Variants in C9 observed in about 807,000 individuals in gnomAD.
C9 encodes complement C9, also known as complement component C9.
Under a neutral mutation model 65.4 loss-of-function variants are expected in C9, and 63 were observed. The observed-to-expected ratio is 0.96, with a 90% CI of 0.79 to 1.19. The LOEUF (loss-of-function observed/expected upper bound fraction) is 1.19. Among genes scored for constraint, C9 ranks in the 50% most tolerant of loss-of-function variants. C9 has a pLI of 0.00. For synonymous variants in C9, 229 were observed against 227.9 expected, an observed-to-expected ratio of 1.00 and a Z score of -0.04; for missense variants, 744 against 670.1, an observed-to-expected ratio of 1.11 and a Z score of -1.22.
chr5:39,347,074 G>A (rs1008711575), intron 1 of C9, among the ~76,000 whole-genome samples: 2 of 152,110 alleles, frequency 1.3e-5, no homozygotes, highest in African/African-American at 2.4e-5. Flanking sequence ...CATACTGAAT[G>A]GGCAAAAACT....
At chr5:39,333,747 G>T (rs925595102) in intron 4 of C9, among the ~76,000 whole-genome samples, 5 of 151,762 alleles carry the variant, frequency 3.3e-5, no homozygotes, top group African/African-American at 1.2e-4. Flanking sequence ...GAGTGCCTGC[G>T]ATTGCAGGCG....
Position 39,341,790 on chromosome 5 carries a change from A to G in C9, c.184-90T>C, listed in dbSNP as rs923039939. ...GCATCCATACAACTATATCCCTGCA[A>G]TGAGTCAATGGTTTTAAGATAGAAG... is the stretch of plus-strand genomic sequence containing the variant. On this transcript the variant is annotated intron_variant, in intron 2 of 10. Transcript: ENST00000263408. 3.4e-5 allele frequency: 39 copies of G among 1,155,410 alleles called. No homozygotes were observed. In the African/African-American group the frequency reaches 4.4e-4, roughly 13 times the overall value. The allele number at this position is 1,155,410 out of a possible 1,614,324, so 71.6% of individuals were successfully genotyped here. A position where few individuals can be genotyped will look rare whatever the true frequency, so the allele number is the denominator to read the frequency against.
At chr5:39,299,349 G>C (rs1371036991) in intron 9 of C9, among the ~76,000 whole-genome samples, 1 of 152,000 alleles carries the variant, frequency 6.6e-6, no homozygotes, top group East Asian at 1.9e-4. Context: ...ATATGTTCAT[G>C]CAAAATTCTG....
At chr5:39,295,929 G>T (rs978151196) in intron 9 of C9, among the ~76,000 whole-genome samples, 4 of 151,570 alleles carry the variant, frequency 2.6e-5, no homozygotes, top group Admixed American at 2.6e-4. Context: ...AAAATAACTG[G>T]TTTCTTTTCA....
chr5:39,341,145 C>G lies in C9; in HGVS notation c.476+1G>C, dbSNP rs1037222479. ...TGAAAAAGTACAAGTAAAATACACA[C>G]CCATAGCCTGCTGTTCGTGCCAGCT... On this transcript the variant is annotated splice_donor_variant, in intron 4 of 10. Coordinates refer to ENST00000263408, the MANE Select transcript of C9 (RefSeq NM_001737.5). LOFTEE classifies it high-confidence loss of function. The G allele has an allele frequency of 3.5e-5, 57 of 1,613,996 alleles. No homozygotes were observed. Among genetic ancestry groups the G allele is most frequent in the African/African-American group, 5.3e-5 (4 of 74,914 alleles).
intron 9 of C9, among the ~76,000 whole-genome samples, chr5:39,306,356 A>T (rs1053541038): frequency 6.6e-5 from 10 of 152,058 alleles, no homozygotes; most frequent in African/African-American, 2.4e-4. Context: ...CAGAACAAAG[A>T]TGGAGTCCTA....
intron 1 of C9, among the ~76,000 whole-genome samples, chr5:39,355,080 T>C (rs1348812974): frequency 1.3e-5 from 2 of 152,228 alleles, no homozygotes; most frequent in Non-Finnish European, 2.9e-5. Flanking sequence ...CTTAGATGAA[T>C]ATGTTAACAT....
rs915663368 is a variant in C9, at chr5:39,314,310, G to A, written c.870+1465C>T. Among the ~76,000 whole-genome samples, 7 of 151,940 alleles carry A rather than the reference G, an allele frequency of 4.6e-5. No individual in the cohort carries two copies. In the South Asian group the frequency reaches 6.2e-4, roughly 13 times the overall value. Reference sequence around the variant, plus strand: ...ACTAAAAATACAAAATTAGCCAGGCGTGGTGGTGCATGCCTGTAATCCCAG... The same window carrying A: ...ACTAAAAATACAAAATTAGCCAGGCATGGTGGTGCATGCCTGTAATCCCAG... On this transcript the variant is annotated intron_variant, in intron 6 of 10. Coordinates refer to ENST00000263408, the MANE Select transcript of C9 (RefSeq NM_001737.5).
intron 9 of C9, among the ~76,000 whole-genome samples, chr5:39,300,597 AT>A (rs961010417): frequency 5.9e-5 from 9 of 152,158 alleles, no homozygotes; most frequent in African/African-American, 1.7e-4. Flanking sequence ...AACATAGGTA[AT>A]TTAAAAAAAA....
intron 1 of C9, among the ~76,000 whole-genome samples, chr5:39,356,489 G>A (rs700220): frequency 0.34 from 52,325 of 152,130 alleles, 9,456 homozygotes; most frequent in Middle Eastern, 0.48. Flanking sequence ...CCCAGGCAAA[G>A]CACGTCAGTG....
intron 5 of C9, among the ~76,000 whole-genome samples, chr5:39,325,729 G>T (rs196393): frequency 1.5e-4 from 22 of 145,606 alleles, no homozygotes; most frequent in African/African-American, 5.5e-4. Flanking sequence ...CTGAGATTGC[G>T]CCACTGCACT....
chr5:39,355,825 T>G (rs1311825896), intron 1 of C9, among the ~76,000 whole-genome samples: 2 of 152,248 alleles, frequency 1.3e-5, no homozygotes, highest in African/African-American at 4.8e-5. Context: ...GATGGCCATC[T>G]TCTCCCTGTG....
intron 5 of C9, among the ~76,000 whole-genome samples, chr5:39,328,280 T>A (rs975715782): frequency 1.3e-5 from 2 of 152,220 alleles, no homozygotes; most frequent in African/African-American, 2.4e-5. Flanking sequence ...AAGTTGGAGC[T>A]AATGTCATCT....
intron 7 of C9, among the ~76,000 whole-genome samples, chr5:39,309,451 C>T (rs1753441096): frequency 6.6e-6 from 1 of 152,014 alleles, no homozygotes; most frequent in East Asian, 1.9e-4. Context: ...TCTCATGCAC[C>T]CACAATTAGT....
Position 39,311,391 on chromosome 5 carries a change from C to T in C9, c.871-14G>A, listed in dbSNP as rs368590247. 4 of 1,609,426 alleles carry T rather than the reference C, an allele frequency of 2.5e-6. 1 individual carries two copies. The South Asian group carries it at 3.3e-5, about 13-fold the overall frequency. On this transcript the variant is annotated splice_polypyrimidine_tract_variant and intron_variant, in intron 6 of 10. Transcript: ENST00000263408. The stretch of plus-strand genomic sequence containing the variant: ...AAACATTTTTTCCTGTGTTGTAGAG[C>T]AGATGAAGAAGAGAAACATGTGTTT...
Position 39,311,493 on chromosome 5 carries a change from A to T in C9, c.871-116T>A, listed in dbSNP as rs1001681350. On this transcript the variant is annotated intron_variant, in intron 6 of 10. Transcript: ENST00000263408. ...TAAATGTTTTAGCAGTGACCATGAG[A>T]TACCACTCTAATCCACCAGAAGGGC... 7 of 915,760 alleles carry T rather than the reference A, an allele frequency of 7.6e-6. No individual in the cohort carries two copies. In the African/African-American group the frequency reaches 9.8e-5, roughly 13 times the overall value. 56.7% of individuals were successfully genotyped at this position (915,760 alleles called of 1,614,324 possible).
At chr5:39,328,472 A>G (rs1275753193) in intron 5 of C9, among the ~76,000 whole-genome samples, 1 of 152,226 alleles carries the variant, frequency 6.6e-6, no homozygotes, top group Non-Finnish European at 1.5e-5. Context: ...TGAGCATAAT[A>G]TTCTCTTTAG....
intron 1 of C9, among the ~76,000 whole-genome samples, chr5:39,343,163 C>A (rs1208454763): frequency 6.6e-6 from 1 of 152,138 alleles, no homozygotes; most frequent in Non-Finnish European, 1.5e-5. Context: ...CTCACTGGGG[C>A]TCATCAGACA....
intron 9 of C9, among the ~76,000 whole-genome samples, chr5:39,301,959 T>G (rs987594845): frequency 6.6e-6 from 1 of 152,052 alleles, no homozygotes; most frequent in Non-Finnish European, 1.5e-5. Context: ...TGTGGTAGAA[T>G]TATTTTGATT....
Sources: allele counts gnomAD v4.1 joint callset (sites outside exome capture counted in the v4.1 genomes callset), GRCh38; gene constraint gnomAD v4.1.1; transcripts MANE v1.5; gene names NCBI Gene and HGNC (gene_info 2026-07-23, HGNC 2026-07-21).